TSPAN19: variants seen among roughly 807,000 people sequenced by gnomAD.
TSPAN19 encodes tetraspanin 19, also known as tetraspanin-19.
A neutral mutation model predicts 35.1 loss-of-function variants in TSPAN19; 44 were observed. The ratio of observed to expected loss-of-function variants is 1.25; its 90% confidence interval spans 0.98 to 1.61. The LOEUF is 1.61. Ranked by LOEUF, TSPAN19 falls within the 40% of genes most tolerant of loss-of-function variation. TSPAN19 has a pLI of 0.00. For missense variants in TSPAN19, 290 were observed against 280.0 expected (o/e 1.04, Z -0.26); for synonymous variants, 79 against 92.0 (o/e 0.86, Z 0.81).
intron 4 of TSPAN19, among the ~76,000 whole-genome samples, chr12:85,025,706 T>C (rs1390906015): frequency 1.3e-5 from 2 of 152,052 alleles, no homozygotes; most frequent in African/African-American, 4.8e-5. Flanking sequence ...TTTGTATTTT[T>C]AGTAGAGATG....
At chr12:85,017,822 C>T (rs1409362369) in intron 6 of TSPAN19, among the ~76,000 whole-genome samples, 2 of 151,702 alleles carry the variant, frequency 1.3e-5, no homozygotes, top group Admixed American at 6.6e-5. Flanking sequence ...ACATTAGTGG[C>T]TTGTGGTTGG....
chr12:85,029,648 T>A, intron 3 of TSPAN19, 71 bp downstream of exon 3: 1 of 1,176,276 alleles, frequency 8.5e-7, no homozygotes, highest in Non-Finnish European at 1.2e-6. Flanking sequence ...ACCTGCTGAA[T>A]AAATTGTGTA....
chr12:85,015,541 T>TACAC (rs10549033), intron 8 of TSPAN19: 1,983 of 146,898 alleles, frequency 0.013, 19 homozygotes, highest in South Asian at 0.029. Context: ...TATGAACATA[T>TACAC]ACACACACAC....
In TSPAN19 at chr12:85,014,341, G is replaced by A. The variant is rs1310368361; in HGVS notation, c.*146C>T. 1 of 539,170 alleles carries A rather than the reference G, an allele frequency of 1.9e-6. No individual in the cohort carries two copies. Among genetic ancestry groups the A allele is most frequent in the South Asian group, 2.6e-5 (1 of 38,204 alleles). The allele number at this position is 539,170 out of a possible 1,614,324, so 33.4% of individuals were successfully genotyped here. The stretch of plus-strand genomic sequence containing the variant: ...ATAATTTCATGAATGTTTTATTATA[G>A]TATTCAGTAATTCAATATTACATAT... On this transcript the variant is annotated 3_prime_UTR_variant, in exon 9 of 9. Coordinates refer to ENST00000532498, the MANE Select transcript of TSPAN19 (RefSeq NM_001100917.2).
intron 1 of TSPAN19, among the ~76,000 whole-genome samples, chr12:85,031,972 C>T (rs1464146550): frequency 6.6e-6 from 1 of 151,904 alleles, no homozygotes; most frequent in Non-Finnish European, 1.5e-5. Flanking sequence ...AAAAAGAGAG[C>T]TTGGATTAAG....
intron 4 of TSPAN19, among the ~76,000 whole-genome samples, chr12:85,025,836 T>C (rs1253533489): frequency 1.3e-5 from 2 of 152,226 alleles, no homozygotes; most frequent in Admixed American, 1.3e-4. Context: ...AGACATGGAA[T>C]AGCTTTTAGG....
At chr12:85,030,103 A>G (rs868178702) in intron 1 of TSPAN19, 130 bp from the exon 2 acceptor site, 5 of 711,318 alleles carry the variant, frequency 7.0e-6, no homozygotes, top group African/African-American at 1.9e-5. Context: ...CCATCTCTAA[A>G]TGAAAGGATT....
intron 1 of TSPAN19, among the ~76,000 whole-genome samples, chr12:85,033,346 A>G (rs1877770272): frequency 6.6e-6 from 1 of 152,042 alleles, no homozygotes; most frequent in Non-Finnish European, 1.5e-5. Context: ...ATGCTTTACT[A>G]AAGATTTTTT....
intron 1 of TSPAN19, among the ~76,000 whole-genome samples, chr12:85,034,135 G>A (rs1349656798): frequency 6.6e-6 from 1 of 152,098 alleles, no homozygotes; most frequent in East Asian, 1.9e-4. Flanking sequence ...ACAAGAGAAT[G>A]AGAGGCCTAA....
At chr12:85,025,637 T>C (rs1213912536) in intron 4 of TSPAN19, among the ~76,000 whole-genome samples, 1 of 152,112 alleles carries the variant, frequency 6.6e-6, no homozygotes, top group African/African-American at 2.4e-5. Context: ...GCGATTCTCC[T>C]GCCTCAGCCT....
chr12:85,017,460 A>G lies in TSPAN19; in HGVS notation c.590T>C (p.Leu197Pro). The G allele has an allele frequency of 6.2e-7, 1 of 1,607,172 alleles. No individual in the cohort carries two copies. The highest frequency in any genetic ancestry group is 1.1e-5 in the South Asian group (1 of 89,876). The change falls in exon 7 of 9, where the codon CTT (leucine) becomes CCT (proline). Residue 197 changes from leucine to proline, a missense_variant. By Grantham distance (98) the Leu-to-Pro change is moderately conservative. Coordinates refer to ENST00000532498, the MANE Select transcript of TSPAN19 (RefSeq NM_001100917.2). ...FCDEPLNATYLEGCENKISAW... is the reference protein window; with the variant it reads ...FCDEPLNATYPEGCENKISAW... ...GAAGCCTAGATTTATCTTTACCTCA[A>G]GGTAAGTTGCATTCAGTGGCTCATC...
intron 1 of TSPAN19, among the ~76,000 whole-genome samples, chr12:85,035,906 A>G (rs1877980615): frequency 6.6e-6 from 1 of 151,914 alleles, no homozygotes; most frequent in South Asian, 2.1e-4. Context: ...TTGATTGATG[A>G]TTTTTTTCTT....
intron 4 of TSPAN19, among the ~76,000 whole-genome samples, chr12:85,023,957 G>A (rs1431318417): frequency 2.0e-5 from 3 of 151,646 alleles, no homozygotes; most frequent in Admixed American, 6.6e-5. Context: ...CTTCATCATA[G>A]CTGTTGTCCA....
intron 7 of TSPAN19, chr12:85,016,740 T>A (rs1876828917): frequency 6.6e-6 from 1 of 151,894 alleles, no homozygotes; most frequent in Non-Finnish European, 1.5e-5. Context: ...ATATTTTCAA[T>A]GGTTGAACTC....
intron 1 of TSPAN19, among the ~76,000 whole-genome samples, chr12:85,033,823 T>C (rs1205951557): frequency 6.6e-6 from 1 of 152,150 alleles, no homozygotes; most frequent in Non-Finnish European, 1.5e-5. Context: ...TAATAGTACA[T>C]GCCTCAAAGA....
rs1480069773 is a variant in TSPAN19 at position 85,029,770 on chromosome 12, C to G, written c.88G>C (p.Gly30Arg). Reference protein sequence around the residue: ...AFLVLGLLFMGFGAWLLLDRN... With the variant: ...AFLVLGLLFMRFGAWLLLDRN... Reference sequence around the variant, plus strand: ...TCTAATAAGAGCCATGCACCAAATCCCATGAATAAAAGTCCAAGAACCTAA... The same window carrying G: ...TCTAATAAGAGCCATGCACCAAATCGCATGAATAAAAGTCCAAGAACCTAA... Residue 30 changes from glycine (G) to arginine (R), a missense_variant, in exon 3 of 9, where the codon GGA becomes CGA. By Grantham distance (125) the Gly-to-Arg change is moderately radical. Coordinates refer to ENST00000532498, the MANE Select transcript of TSPAN19 (RefSeq NM_001100917.2). 2.6e-6 allele frequency: 4 copies of G among 1,544,674 alleles called. No homozygotes were observed. Among genetic ancestry groups the G allele is most frequent in the Non-Finnish European group, 3.5e-6 (4 of 1,145,432 alleles).
At chr12:85,016,884 T>C (rs942298371) in intron 7 of TSPAN19, 1 of 151,840 alleles carries the variant, frequency 6.6e-6, no homozygotes, top group African/African-American at 2.4e-5. Context: ...AATTATGCAA[T>C]TGAAACAATA....
At chr12:85,022,813 A>G (rs1339623908) in intron 5 of TSPAN19, among the ~76,000 whole-genome samples, 3 of 152,164 alleles carry the variant, frequency 2.0e-5, no homozygotes, top group Non-Finnish European at 4.4e-5. Flanking sequence ...CAGGCTTATT[A>G]TATGCTTTTT....
intron 5 of TSPAN19, among the ~76,000 whole-genome samples, chr12:85,022,636 C>G (rs1269054103): frequency 6.6e-6 from 1 of 152,030 alleles, no homozygotes; most frequent in Non-Finnish European, 1.5e-5. Context: ...GATCCCTAAC[C>G]ATATTCATAT....
Sources: allele counts gnomAD v4.1 joint callset (sites outside exome capture counted in the v4.1 genomes callset), GRCh38; gene constraint gnomAD v4.1.1; transcripts MANE v1.5; gene names NCBI Gene and HGNC (gene_info 2026-07-23, HGNC 2026-07-21).